The following PPP1R17 variants were observed in gnomAD, a reference collection of about 807,000 sequenced individuals.
The protein encoded by PPP1R17 is G-substrate.
A neutral mutation model predicts 15.9 loss-of-function variants in PPP1R17; 12 were observed. The ratio of observed to expected loss-of-function variants is 0.75; its 90% CI spans 0.48 to 1.22. The LOEUF (loss-of-function observed/expected upper bound fraction) is 1.22. Among genes scored for constraint, PPP1R17 ranks in the 50% most tolerant of loss-of-function variants. PPP1R17 has a pLI of 0.00. For missense variants in PPP1R17, 211 were observed against 187.3 expected, an observed-to-expected ratio of 1.13 and a Z score of -0.74; for synonymous variants, 63 against 64.5, an observed-to-expected ratio of 0.98 and a Z score of 0.11.
rs926918617 is a variant in PPP1R17 at position 31,702,148 on chromosome 7, T to C, written c.388+5031T>C. Among the ~76,000 whole-genome samples, 3 of 152,176 alleles carry C rather than the reference T, an allele frequency of 2.0e-5. No homozygotes were observed. In the South Asian group the frequency reaches 6.2e-4, roughly 31 times the overall value. On this transcript the variant is annotated intron_variant, in intron 4 of 4. Coordinates refer to ENST00000342032, the MANE Select transcript of PPP1R17 (RefSeq NM_006658.5). Reference sequence around the variant, plus strand: ...AGTCATTCTACAGGTTATGCTATGATATGGGAAATTCTGCCTTAGAATTGT... The same window carrying C: ...AGTCATTCTACAGGTTATGCTATGACATGGGAAATTCTGCCTTAGAATTGT...
At chr7:31,687,857 C>A (rs1466909513) in intron 1 of PPP1R17, among the ~76,000 whole-genome samples, 1 of 152,158 alleles carries the variant, frequency 6.6e-6, no homozygotes, top group Non-Finnish European at 1.5e-5. Context: ...CCCTTTTATT[C>A]CATCCAGTAA....
At chr7:31,691,748 T>C (rs1388513860) in intron 1 of PPP1R17, among the ~76,000 whole-genome samples, 3 of 135,168 alleles carry the variant, frequency 2.2e-5, no homozygotes, top group Non-Finnish European at 4.6e-5. Flanking sequence ...ATAATGTGGA[T>C]GGGGAGGTAG....
At chr7:31,699,808 T>C (rs990940822) in intron 4 of PPP1R17, among the ~76,000 whole-genome samples, 3 of 152,156 alleles carry the variant, frequency 2.0e-5, no homozygotes, top group Non-Finnish European at 4.4e-5. Flanking sequence ...ATCATTATTA[T>C]ATCTTTTATG....
At chr7:31,694,746 A>C (rs1277391318) in intron 2 of PPP1R17, among the ~76,000 whole-genome samples, 1 of 152,174 alleles carries the variant, frequency 6.6e-6, no homozygotes, top group Non-Finnish European at 1.5e-5. Flanking sequence ...AGCAGAGGAG[A>C]GACTTGAATG....
intron 1 of PPP1R17, among the ~76,000 whole-genome samples, chr7:31,690,424 T>A (rs980529995): frequency 1.3e-5 from 2 of 152,324 alleles, no homozygotes; most frequent in African/African-American, 4.8e-5. Context: ...TGTTTCTGGG[T>A]GCCAGACTGT....
At position 31,695,542 on chromosome 7, in the gene PPP1R17, C is replaced by A; in HGVS notation, c.156C>A (p.Ala52=). Residue 52 remains alanine (A), a synonymous_variant, in exon 3 of 5, where the codon GCC becomes GCA. Coordinates refer to ENST00000342032, the MANE Select transcript of PPP1R17 (RefSeq NM_006658.5). ...KKPRKGKNVQ[A]TLNVESDQKK... is the part of the protein sequence containing the mutation. Reference sequence around the variant, plus strand: ...CTAGAAAGGGAAAAAATGTACAGGCCACCCTGAATGTTGAGTCAGACCAAA... The same window carrying A: ...CTAGAAAGGGAAAAAATGTACAGGCAACCCTGAATGTTGAGTCAGACCAAA... 1.2e-6 allele frequency: 2 copies of A among 1,613,732 alleles called. No homozygotes were observed. The highest frequency in any genetic ancestry group is 1.7e-6 in the Non-Finnish European group (2 of 1,179,852).
chr7:31,702,338 TGAG>T (rs1178906885), intron 4 of PPP1R17, among the ~76,000 whole-genome samples: 1 of 152,142 alleles, frequency 6.6e-6, no homozygotes, highest in Admixed American at 6.5e-5. Context: ...GTGCAGAGCA[TGAG>T]GAGTAATGGA....
chr7:31,694,383 C>G (rs1157636517), intron 2 of PPP1R17, among the ~76,000 whole-genome samples: 1 of 143,746 alleles, frequency 7.0e-6, no homozygotes, highest in African/African-American at 2.7e-5. Context: ...CTCTCTCTCT[C>G]TCAAACACAC....
At chr7:31,692,764 A>G (rs1050700303) in intron 2 of PPP1R17, among the ~76,000 whole-genome samples, 6 of 152,186 alleles carry the variant, frequency 3.9e-5, no homozygotes, top group South Asian at 2.1e-4. Context: ...AAAGAGAGAG[A>G]GAGGAAGCAT....
At chr7:31,698,459 A>C (rs1324213011) in intron 4 of PPP1R17, among the ~76,000 whole-genome samples, 1 of 152,198 alleles carries the variant, frequency 6.6e-6, no homozygotes, top group African/African-American at 2.4e-5. Flanking sequence ...CATGCCAGGG[A>C]CAACTCTCCC....
intron 1 of PPP1R17, among the ~76,000 whole-genome samples, chr7:31,691,988 C>G (rs1792374222): frequency 6.6e-6 from 1 of 152,170 alleles, no homozygotes; most frequent in Admixed American, 6.5e-5. Flanking sequence ...TTCTGAGCCT[C>G]TGTCTCCTCA....
rs759381505 is a variant in PPP1R17, at chr7:31,707,272, A to T, written c.457A>T (p.Ile153Leu). 1.2e-6 allele frequency: 2 copies of T among 1,613,710 alleles called. No individual in the cohort carries two copies. Among genetic ancestry groups the T allele is most frequent in the Admixed American group, 3.3e-5 (2 of 59,978 alleles). ...AGATGACGAAAAGGATGGTGACAAG[A>T]TAGCTATTTAAAGATAGTTCCCCTG... is the stretch of plus-strand genomic sequence containing the variant. The part of the protein sequence containing the change: ...VEDDEKDGDK[I>L]AI The change falls in exon 5 of 5, where the codon ATA becomes TTA. Residue 153 changes from isoleucine (I) to leucine (L), a missense_variant. Coordinates refer to ENST00000342032, the MANE Select transcript of PPP1R17 (RefSeq NM_006658.5).
intron 1 of PPP1R17, among the ~76,000 whole-genome samples, chr7:31,690,076 C>T (rs530101537): frequency 5.3e-5 from 8 of 152,342 alleles, no homozygotes; most frequent in Middle Eastern, 3.4e-3. Context: ...TTATTCAATT[C>T]ATCGGCCAGA....
At chr7:31,702,209 T>TTA (rs35535092) in intron 4 of PPP1R17, among the ~76,000 whole-genome samples, 21,505 of 148,060 alleles carry the variant, frequency 0.15, 1,608 homozygotes, top group East Asian at 0.24. Flanking sequence ...CCTTATTTAT[T>TTA]TTTTTTTTTG....
At chr7:31,692,611 G>C (rs1241390545) in intron 2 of PPP1R17, 88 bp downstream of exon 2, 8 of 1,287,058 alleles carry the variant, frequency 6.2e-6, no homozygotes, top group African/African-American at 1.5e-5. Context: ...GTCAGAGAGA[G>C]GGCACCCCCC....
chr7:31,690,338 C>T (rs1472558607), intron 1 of PPP1R17, among the ~76,000 whole-genome samples: 1 of 152,182 alleles, frequency 6.6e-6, no homozygotes, highest in African/African-American at 2.4e-5. Context: ...ACAGTTACTC[C>T]ACCCAGTAGG....
chr7:31,693,193 C>A (rs1424293772), intron 2 of PPP1R17, among the ~76,000 whole-genome samples: 1 of 152,082 alleles, frequency 6.6e-6, no homozygotes, highest in Admixed American at 6.5e-5. Context: ...AAGATTTCTC[C>A]AAAAATGGGG....
chr7:31,705,874 T>C (rs570212582), intron 4 of PPP1R17, among the ~76,000 whole-genome samples: 2 of 152,056 alleles, frequency 1.3e-5, no homozygotes, highest in South Asian at 2.1e-4. Context: ...AAAATGACCT[T>C]ACTTTACACT....
At chr7:31,703,000 C>A (rs747946295) in intron 4 of PPP1R17, among the ~76,000 whole-genome samples, 10 of 152,078 alleles carry the variant, frequency 6.6e-5, no homozygotes, top group Non-Finnish European at 1.3e-4. Flanking sequence ...TAGGTTTCAT[C>A]CCTGGTTCTG....
Sources: gnomAD v4.1 joint callset for allele counts (sites outside exome capture counted in the v4.1 genomes callset) on GRCh38, gnomAD v4.1.1 for gene constraint, MANE v1.5 for transcripts, NCBI Gene and HGNC (gene_info 2026-07-23, HGNC 2026-07-21) for gene names.